Variants in GNB1 observed in about 807,000 individuals in gnomAD.
GNB1 encodes the protein G protein subunit beta 1, also known as guanine nucleotide-binding protein G(I)/G(S)/G(T) subunit beta-1.
GNB1 carries 2 observed loss-of-function variants against 42.9 expected under a neutral mutation model. The observed-to-expected ratio is 0.05, with a 90% CI of 0.02 to 0.15. GNB1 has a LOEUF of 0.15. Ranked by LOEUF, GNB1 falls within the 10% of genes least tolerant of loss-of-function variation. The pLI is 1.00. For synonymous variants in GNB1, 183 were observed against 174.7 expected (o/e 1.05, Z -0.38); for missense variants, 193 against 462.2 (o/e 0.42, Z 5.34).
At chr1:1,831,200 C>T (rs1037008578) in intron 2 of GNB1, among the ~76,000 whole-genome samples, 2 of 151,782 alleles carry the variant, frequency 1.3e-5, no homozygotes, top group East Asian at 1.9e-4. Context: ...CGCTGGGTAT[C>T]GTGGAACGTG....
intron 7 of GNB1, among the ~76,000 whole-genome samples, chr1:1,800,720 T>C (rs1285393112): frequency 7.1e-6 from 1 of 140,404 alleles, no homozygotes; most frequent in African/African-American, 2.7e-5. Context: ...GGCACCTACG[T>C]GCAAACTGCT....
chr1:1,802,763 T>TAAAAAAAA (rs374872245), intron 7 of GNB1, among the ~76,000 whole-genome samples: 2 of 137,600 alleles, frequency 1.5e-5, no homozygotes, highest in Non-Finnish European at 3.1e-5. Flanking sequence ...GACTCCATCT[T>TAAAAAAAA]AAAAAAAAAA....
At chr1:1,799,255 G>T (rs563569123) in intron 7 of GNB1, among the ~76,000 whole-genome samples, 8 of 151,962 alleles carry the variant, frequency 5.3e-5, no homozygotes, top group Non-Finnish European at 7.4e-5. Flanking sequence ...GTGTGTGTGT[G>T]TTTTTTTTAA....
At chr1:1,826,127 G>A (rs1646994837) in intron 2 of GNB1, among the ~76,000 whole-genome samples, 1 of 152,004 alleles carries the variant, frequency 6.6e-6, no homozygotes, top group African/African-American at 2.4e-5. Context: ...ACATAAGACT[G>A]ACATTTAGGC....
intron 6 of GNB1, 75 bp from the exon 7 acceptor site, chr1:1,804,656 C>T: frequency 8.8e-7 from 1 of 1,133,082 alleles, no homozygotes; most frequent in Non-Finnish European, 1.3e-6. Context: ...TTTCTCATCT[C>T]CAACTTTCAC....
chr1:1,867,652 C>A (rs534718435), intron 1 of GNB1, among the ~76,000 whole-genome samples: 1 of 152,218 alleles, frequency 6.6e-6, no homozygotes, highest in African/African-American at 2.4e-5. Flanking sequence ...AAAATAATAA[C>A]CCTTTATCAT....
At position 1,788,987 on chromosome 1, in the gene GNB1, CTG is replaced by C. The variant is rs1233479198; in HGVS notation, c.916+64_916+65del. On this transcript the variant is annotated intron_variant, in intron 10 of 11. Transcript: ENST00000378609. ...AAACACTGCAGCTTATGCAACCACTCTGTGTTTGCTCTAAAGATACCACGTAA... is the reference window on the plus strand; with the variant it reads ...AAACACTGCAGCTTATGCAACCACTCTGTTTGCTCTAAAGATACCACGTAA... 27 of 1,138,392 alleles carry C rather than the reference CTG, an allele frequency of 2.4e-5. No individual in the cohort carries two copies. In the South Asian group the frequency reaches 3.2e-4, roughly 14 times the overall value. 70.5% of individuals were successfully genotyped at this position (1,138,392 alleles called of 1,614,324 possible). A position where few individuals can be genotyped will look rare whatever the true frequency, so the allele number is the denominator to read the frequency against.
In GNB1 at chr1:1,790,316, GA is replaced by G. The variant is rs1039233661; in HGVS notation, c.699+78del. Reference sequence around the variant, plus strand: ...ATCAGAAAGGAGAACATCTAATCCAGAAAAGTTTAAAATTTAGCAATCTGAA... The same window carrying G: ...ATCAGAAAGGAGAACATCTAATCCAGAAAGTTTAAAATTTAGCAATCTGAA... On this transcript the variant is annotated intron_variant, in intron 9 of 11. Coordinates refer to ENST00000378609, the MANE Select transcript of GNB1 (RefSeq NM_002074.5). This position sits in a 1 kb window ranked among gnomAD's most constrained non-coding sequence, Gnocchi z 5.4. 3.0e-6 allele frequency: 3 copies of G among 993,536 alleles called. No individual in the cohort carries two copies. In the African/African-American group the frequency reaches 4.8e-5, roughly 16 times the overall value. 61.5% of individuals were successfully genotyped at this position (993,536 alleles called of 1,614,324 possible).
intron 1 of GNB1, among the ~76,000 whole-genome samples, chr1:1,864,217 G>A (rs1457343189): frequency 2.0e-5 from 3 of 150,254 alleles, no homozygotes; most frequent in Non-Finnish European, 3.0e-5. Flanking sequence ...CAGCTATTCA[G>A]GAGGCTGAGG....
In GNB1 at chr1:1,787,588, G is replaced by A. The variant is rs549039199; in HGVS notation, c.917-151C>T. The A allele has an allele frequency of 1.1e-4, 63 of 560,354 alleles. No homozygotes were observed. Among genetic ancestry groups the A allele is most frequent in the African/African-American group, 9.3e-4 (49 of 52,786 alleles). The allele number at this position is 560,354 out of a possible 1,614,324, so 34.7% of individuals were successfully genotyped here. A position where few individuals can be genotyped will look rare whatever the true frequency, so the allele number is the denominator to read the frequency against. ...GGAAGGGAGGGAAAGTTGCATCCAC[G>A]TGGGGAATTAACCTGCAGCATATGG... On this transcript the variant is annotated intron_variant, in intron 10 of 11. Transcript: ENST00000378609. This position sits in a 1 kb window ranked among gnomAD's most constrained non-coding sequence, Gnocchi z 4.4.
chr1:1,820,039 T>A (rs1227409649), intron 3 of GNB1, among the ~76,000 whole-genome samples: 1 of 152,100 alleles, frequency 6.6e-6, no homozygotes, highest in Non-Finnish European at 1.5e-5. Flanking sequence ...AGGAAGCTTG[T>A]GGGAATATTA....
intron 5 of GNB1, among the ~76,000 whole-genome samples, chr1:1,811,930 G>A (rs1384509613): frequency 6.6e-6 from 1 of 151,574 alleles, no homozygotes; most frequent in African/African-American, 2.4e-5. Flanking sequence ...GCCAGGCGTG[G>A]TGGCAGGCGC....
chr1:1,810,957 G>A (rs1171483207), intron 5 of GNB1, among the ~76,000 whole-genome samples: 6 of 150,476 alleles, frequency 4.0e-5, no homozygotes, highest in Admixed American at 2.7e-4. Flanking sequence ...CGTGAACCAC[G>A]GTGCCTGGCC....
At chr1:1,836,458 C>A (rs543180527) in intron 2 of GNB1, among the ~76,000 whole-genome samples, 1 of 137,212 alleles carries the variant, frequency 7.3e-6, no homozygotes, top group African/African-American at 2.7e-5. Context: ...GTGGTGTGAT[C>A]GTGACTCACT....
chr1:1,840,831 T>C (rs770920696), intron 1 of GNB1, among the ~76,000 whole-genome samples: 1 of 152,240 alleles, frequency 6.6e-6, no homozygotes, highest in Non-Finnish European at 1.5e-5. Context: ...CCTCTTGACA[T>C]ACTTCTGGTG....
chr1:1,853,311 CAA>C (rs996464605), intron 1 of GNB1, among the ~76,000 whole-genome samples: 1 of 152,160 alleles, frequency 6.6e-6, no homozygotes, highest in Non-Finnish European at 1.5e-5. Flanking sequence ...CGGAAAAAAT[CAA>C]ACTTTTTAGC....
intron 6 of GNB1, 117 bp from the exon 7 acceptor site, chr1:1,804,698 C>T: frequency 2.7e-6 from 2 of 731,402 alleles, no homozygotes; most frequent in East Asian, 5.6e-5. Context: ...AAATAAGAGC[C>T]AAAATTATCT....
chr1:1,881,103 G>A (rs903827446), intron 1 of GNB1, among the ~76,000 whole-genome samples: 1 of 152,128 alleles, frequency 6.6e-6, no homozygotes, highest in African/African-American at 2.4e-5. Context: ...TGCAAAACAT[G>A]AGAAAGCCTC....
chr1:1,820,426 C>T (rs1008052406), intron 3 of GNB1, among the ~76,000 whole-genome samples: 1 of 147,898 alleles, frequency 6.8e-6, no homozygotes, highest in Non-Finnish European at 1.5e-5. Flanking sequence ...TTATACATTC[C>T]AAATTCATCT....
Sources: allele counts gnomAD v4.1 joint callset (sites outside exome capture counted in the v4.1 genomes callset), GRCh38; gene constraint gnomAD v4.1.1; non-coding constraint Gnocchi (gnomAD v3.1); transcripts MANE v1.5; gene names NCBI Gene and HGNC (gene_info 2026-07-23, HGNC 2026-07-21).